The following PPP1R12B variants were observed in gnomAD, a reference collection of about 807,000 sequenced individuals.
PPP1R12B encodes myosin phosphatase target subunit 2.
PPP1R12B carries 76 observed loss-of-function variants against 126.1 expected under a neutral mutation model. The ratio of observed to expected loss-of-function variants is 0.60; its 90% CI spans 0.50 to 0.73. PPP1R12B has a LOEUF of 0.73. PPP1R12B is among the 30% of genes least tolerant of loss of function. PPP1R12B has a pLI of 0.00. For missense variants in PPP1R12B, 1,052 were observed against 1,205.1 expected (o/e 0.87, Z 1.88); for synonymous variants, 356 against 434.7 (o/e 0.82, Z 2.25).
chr1:202,476,766 C>G (rs1676728726), intron 13 of PPP1R12B, among the ~76,000 whole-genome samples: 1 of 151,864 alleles, frequency 6.6e-6, no homozygotes, highest in African/African-American at 2.4e-5. Context: ...TAGTTCCTTT[C>G]CTGTTTGGAG....
At chr1:202,491,511 C>T (rs1678886441) in intron 14 of PPP1R12B, among the ~76,000 whole-genome samples, 1 of 152,092 alleles carries the variant, frequency 6.6e-6, no homozygotes, top group South Asian at 2.1e-4. Context: ...TACTTTAGCT[C>T]ATCTTTTCCA....
intron 18 of PPP1R12B, among the ~76,000 whole-genome samples, chr1:202,544,654 A>G (rs1685473079): frequency 6.6e-6 from 1 of 152,222 alleles, no homozygotes; most frequent in African/African-American, 2.4e-5. Flanking sequence ...AAGCAAGATC[A>G]GTAGCATTTT....
chr1:202,524,039 A>T (rs998591321), intron 18 of PPP1R12B, among the ~76,000 whole-genome samples: 1 of 152,180 alleles, frequency 6.6e-6, no homozygotes, highest in Non-Finnish European at 1.5e-5. Context: ...TAAAAGAATC[A>T]TTCAAGCTAC....
chr1:202,529,708 G>T (rs1683727613), intron 18 of PPP1R12B, among the ~76,000 whole-genome samples: 1 of 152,180 alleles, frequency 6.6e-6, no homozygotes. Context: ...ATTTAAGTGT[G>T]TTGCTACCAG....
At chr1:202,402,340 C>G (rs1338832652) in intron 1 of PPP1R12B, among the ~76,000 whole-genome samples, 1 of 152,158 alleles carries the variant, frequency 6.6e-6, no homozygotes, top group Admixed American at 6.6e-5. Context: ...TCTAACTCTT[C>G]TATTTGTGAT....
intron 18 of PPP1R12B, among the ~76,000 whole-genome samples, chr1:202,524,912 C>G (rs564158564): frequency 6.6e-6 from 1 of 152,164 alleles, no homozygotes; most frequent in African/African-American, 2.4e-5. Flanking sequence ...GAGTCTCACT[C>G]TGTCACCCAG....
chr1:202,516,061 TTAAAA>T (rs1682111882), intron 18 of PPP1R12B, among the ~76,000 whole-genome samples: 1 of 152,208 alleles, frequency 6.6e-6, no homozygotes, highest in South Asian at 2.1e-4. Flanking sequence ...TTCCTTAACT[TTAAAA>T]TAAGAGAAAT....
Position 202,569,210 on chromosome 1 carries a change from T to A in PPP1R12B, c.2862+13T>A, listed in dbSNP as rs779214406. 1 of 1,610,860 alleles carries A rather than the reference T, an allele frequency of 6.2e-7. No homozygotes were observed. The highest frequency in any genetic ancestry group is 1.1e-5 in the South Asian group (1 of 90,960). On this transcript the variant is annotated intron_variant, in intron 23 of 23. Coordinates refer to ENST00000608999, the MANE Select transcript of PPP1R12B (RefSeq NM_002481.4). ...GGAAGAAATGAAGGTATGAAGAGAT[T>A]TTCTTTCTTTTTGTATGCCTGTTCT...
At position 202,591,241 on chromosome 1, in the gene PPP1R12B, C is replaced by T. The variant is rs1690102279; in HGVS notation, c.*10681C>T. On this transcript the variant is annotated 3_prime_UTR_variant, in exon 24 of 24. Coordinates refer to ENST00000608999, the MANE Select transcript of PPP1R12B (RefSeq NM_002481.4). The stretch of plus-strand genomic sequence containing the variant: ...TGTGGTTTGTGCAGGGCAAGCCTGC[C>T]TCGCCACCTCTGGCCTCCTCGAATG... 1 of 152,438 alleles carries T rather than the reference C, an allele frequency of 6.6e-6. No homozygotes were observed. The highest frequency in any genetic ancestry group is 2.4e-5 in the African/African-American group (1 of 41,462). 9.4% of individuals were successfully genotyped at this position (152,438 alleles called of 1,614,324 possible).
At chr1:202,454,870 T>C (rs1673417658) in intron 13 of PPP1R12B, among the ~76,000 whole-genome samples, 1 of 151,766 alleles carries the variant, frequency 6.6e-6, no homozygotes, top group African/African-American at 2.4e-5. Flanking sequence ...TACCATGAAC[T>C]ATTATAACAC....
intron 18 of PPP1R12B, among the ~76,000 whole-genome samples, chr1:202,523,066 A>G (rs1295010866): frequency 2.6e-5 from 4 of 152,236 alleles, no homozygotes; most frequent in Non-Finnish European, 1.5e-5. Context: ...ACAGATATAT[A>G]GCACACATAG....
intron 17 of PPP1R12B, among the ~76,000 whole-genome samples, chr1:202,496,496 G>T (rs1467668496): frequency 1.3e-5 from 2 of 152,196 alleles, no homozygotes; most frequent in African/African-American, 4.8e-5. Flanking sequence ...TGACTGATAA[G>T]TATTGACAAA....
intron 13 of PPP1R12B, among the ~76,000 whole-genome samples, chr1:202,452,676 T>C (rs1156410572): frequency 1.3e-5 from 2 of 152,228 alleles, no homozygotes; most frequent in Non-Finnish European, 2.9e-5. Context: ...CTAGTGACTT[T>C]TGTATGTTGA....
At chr1:202,372,403 C>T (rs2148454807) in intron 1 of PPP1R12B, among the ~76,000 whole-genome samples, 1 of 151,964 alleles carries the variant, frequency 6.6e-6, no homozygotes, top group Middle Eastern at 3.4e-3. Flanking sequence ...ACTCAGGAGT[C>T]CGAGGAGGGA....
At chr1:202,510,061 C>T (rs192361201) in intron 18 of PPP1R12B, among the ~76,000 whole-genome samples, 6 of 152,268 alleles carry the variant, frequency 3.9e-5, no homozygotes, top group African/African-American at 1.4e-4. Flanking sequence ...AGAATATGTA[C>T]TTTTAAAAAA....
chr1:202,563,885 T>C (rs192760372), intron 20 of PPP1R12B, among the ~76,000 whole-genome samples: 1 of 152,132 alleles, frequency 6.6e-6, no homozygotes, highest in East Asian at 1.9e-4. Flanking sequence ...CTGGGCAATA[T>C]AGTGAGACCC....
intron 18 of PPP1R12B, among the ~76,000 whole-genome samples, chr1:202,536,771 G>GTT (rs888039662): frequency 6.9e-6 from 1 of 145,496 alleles, no homozygotes; most frequent in East Asian, 2.0e-4. Flanking sequence ...GCTTTTATCT[G>GTT]TTTTTTTTTT....
chr1:202,352,259 CT>C (rs1229457911), intron 1 of PPP1R12B, among the ~76,000 whole-genome samples: 1 of 152,066 alleles, frequency 6.6e-6, no homozygotes, highest in Non-Finnish European at 1.5e-5. Context: ...TAAATTTTTT[CT>C]TTTATTTATT....
At chr1:202,540,114 A>G (rs1281121506) in intron 18 of PPP1R12B, 1 of 1,591,966 alleles carries the variant, frequency 6.3e-7, no homozygotes. Flanking sequence ...CCAGTGGTTG[A>G]GTGTCTATCT....
Sources: allele counts gnomAD v4.1 joint callset (sites outside exome capture counted in the v4.1 genomes callset), GRCh38; gene constraint gnomAD v4.1.1; transcripts MANE v1.5; gene names NCBI Gene and HGNC (gene_info 2026-07-23, HGNC 2026-07-21).